The following PLXNA2 variants were observed in gnomAD, a reference collection of about 807,000 sequenced individuals.
PLXNA2 encodes the protein plexin A2, also known as plexin-A2.
Under a neutral mutation model 193.5 loss-of-function variants are expected in PLXNA2, and 91 were observed. The observed-to-expected ratio is 0.47, with a 90% CI of 0.40 to 0.56. PLXNA2 has a LOEUF of 0.56. Among genes scored for constraint, PLXNA2 ranks in the 20% least tolerant of loss-of-function variants. PLXNA2 has a pLI of 0.00. For synonymous variants in PLXNA2, 997 were observed against 1,027.3 expected, an observed-to-expected ratio of 0.97 and a Z score of 0.56; for missense variants, 1,995 against 2,503.2, an observed-to-expected ratio of 0.80 and a Z score of 4.33.
At chr1:208,123,561 A>G (rs1262882819) in intron 4 of PLXNA2, among the ~76,000 whole-genome samples, 1 of 152,172 alleles carries the variant, frequency 6.6e-6, no homozygotes, top group Non-Finnish European at 1.5e-5. Flanking sequence ...GGTTTTTATG[A>G]TTTAGATTTA....
chr1:208,151,754 A>T (rs969780061), intron 3 of PLXNA2, among the ~76,000 whole-genome samples: 1 of 152,236 alleles, frequency 6.6e-6, no homozygotes, highest in African/African-American at 2.4e-5. Flanking sequence ...TTAAGTGTCT[A>T]TTGCAGGATC....
intron 12 of PLXNA2, among the ~76,000 whole-genome samples, chr1:208,066,701 C>G (rs913815038): frequency 3.3e-5 from 5 of 152,078 alleles, no homozygotes; most frequent in Non-Finnish European, 7.4e-5. Flanking sequence ...TCAGGGAGGA[C>G]CTTCAGGAGG....
At chr1:208,132,150 C>T (rs763681532) in intron 4 of PLXNA2, among the ~76,000 whole-genome samples, 1 of 152,170 alleles carries the variant, frequency 6.6e-6, no homozygotes, top group Non-Finnish European at 1.5e-5. Flanking sequence ...CCTGACTGTC[C>T]ATGTAGGGCC....
rs565546349 is a variant in PLXNA2, at chr1:208,220,219, T to C, written c.-80-2217A>G. Among the ~76,000 whole-genome samples, 117 of 152,116 alleles carry C rather than the reference T, an allele frequency of 7.7e-4. 3 individuals carry two copies. The South Asian group carries it at 0.024, about 31-fold the overall frequency. On this transcript the variant is annotated intron_variant, in intron 1 of 31. Transcript: ENST00000367033. ...GCTTGGTATCCTCCCAAGACACAGTTTGAATAGTGAGTGGCTTTTGTTGTT... is the reference window on the plus strand; with the variant it reads ...GCTTGGTATCCTCCCAAGACACAGTCTGAATAGTGAGTGGCTTTTGTTGTT...
intron 9 of PLXNA2, among the ~76,000 whole-genome samples, chr1:208,087,333 G>A (rs1325289671): frequency 6.6e-6 from 1 of 151,282 alleles, no homozygotes; most frequent in Non-Finnish European, 1.5e-5. Flanking sequence ...TTTAGGCTGG[G>A]CTAAGTCCAG....
chr1:208,210,474 C>A lies in PLXNA2; in HGVS notation c.1189-12G>T, dbSNP rs201296044. The A allele has an allele frequency of 6.2e-7, 1 of 1,604,600 alleles. No individual in the cohort carries two copies. The highest frequency in any genetic ancestry group is 1.7e-5 in the Admixed American group (1 of 59,344). On this transcript the variant is annotated splice_polypyrimidine_tract_variant and intron_variant, in intron 2 of 31. Transcript: ENST00000367033. ...TCGATGGGGACAGGCTGGAGGGAAGCGGAAGGAATTGGGGTGAGTAACAGT... is the reference window on the plus strand; with the variant it reads ...TCGATGGGGACAGGCTGGAGGGAAGAGGAAGGAATTGGGGTGAGTAACAGT...
At chr1:208,139,766 C>T (rs866312390) in intron 4 of PLXNA2, among the ~76,000 whole-genome samples, 25 of 152,330 alleles carry the variant, frequency 1.6e-4, no homozygotes, top group Middle Eastern at 6.8e-3. Context: ...TCAACTGCTT[C>T]CTTGGAGACA....
Position 208,044,086 on chromosome 1 carries a change from G to A in PLXNA2, c.3874+422C>T, listed in dbSNP as rs1664970271. Among the ~76,000 whole-genome samples, 1 of 152,204 alleles carries A rather than the reference G, an allele frequency of 6.6e-6. No individual in the cohort carries two copies. The highest frequency in any genetic ancestry group is 2.4e-5 in the African/African-American group (1 of 41,454). On this transcript the variant is annotated intron_variant, in intron 20 of 31. Coordinates refer to ENST00000367033, the MANE Select transcript of PLXNA2 (RefSeq NM_025179.4). This position sits in a 1 kb window ranked among gnomAD's most constrained non-coding sequence, Gnocchi z 4.9. ...AACAAACCCTGGGGGAGATGAGGCA[G>A]GTGCTTGTCTGCCTTTGCTGCCGCT...
intron 1 of PLXNA2, among the ~76,000 whole-genome samples, chr1:208,225,770 T>C (rs970552067): frequency 6.6e-6 from 1 of 152,172 alleles, no homozygotes; most frequent in African/African-American, 2.4e-5. Flanking sequence ...ATCCACATCC[T>C]CATCTGACCA....
intron 31 of PLXNA2, among the ~76,000 whole-genome samples, 197 bp from the exon 32 acceptor site, chr1:208,027,535 A>G (rs922194792): frequency 6.6e-6 from 1 of 152,198 alleles, no homozygotes. Context: ...TGGTGTTTCA[A>G]ACATTCTCTG....
intron 21 of PLXNA2, 95 bp downstream of exon 21, chr1:208,042,966 A>T: frequency 7.7e-7 from 1 of 1,300,156 alleles, no homozygotes; most frequent in Non-Finnish European, 1.1e-6. Context: ...TTCCCTGCTA[A>T]CCTTACTCAG....
At chr1:208,048,216 C>T (rs1287152371) in intron 17 of PLXNA2, among the ~76,000 whole-genome samples, 1 of 152,196 alleles carries the variant, frequency 6.6e-6, no homozygotes, top group Admixed American at 6.5e-5. Context: ...CCAAACATTC[C>T]TCTGGGTTTG....
At chr1:208,127,477 C>T (rs1668008814) in intron 4 of PLXNA2, among the ~76,000 whole-genome samples, 1 of 152,218 alleles carries the variant, frequency 6.6e-6, no homozygotes, top group African/African-American at 2.4e-5. Flanking sequence ...TCCTTGTCAC[C>T]ACTACAATTG....
chr1:208,162,885 C>A (rs1051348068), intron 3 of PLXNA2, among the ~76,000 whole-genome samples: 1 of 152,144 alleles, frequency 6.6e-6, no homozygotes, highest in Non-Finnish European at 1.5e-5. Flanking sequence ...CTGCCTCTAA[C>A]AAAGAAATAC....
At chr1:208,239,154 TA>T (rs35635470) in intron 1 of PLXNA2, among the ~76,000 whole-genome samples, 60,782 of 141,408 alleles carry the variant, frequency 0.43, 12,559 homozygotes, top group Admixed American at 0.46. Flanking sequence ...TTTTTTCTTC[TA>T]AAAAAAAAAA....
At chr1:208,067,024 T>TA (rs1407309810) in intron 12 of PLXNA2, among the ~76,000 whole-genome samples, 1 of 152,182 alleles carries the variant, frequency 6.6e-6, no homozygotes. Context: ...GTCAAAAGGT[T>TA]AAAAAATTAA....
intron 4 of PLXNA2, among the ~76,000 whole-genome samples, chr1:208,104,355 T>C (rs1197933230): frequency 1.3e-5 from 2 of 152,212 alleles, no homozygotes; most frequent in African/African-American, 2.4e-5. Context: ...GGAGCTCTGG[T>C]GCTATGCAAC....
chr1:208,207,456 G>T (rs540943525), intron 3 of PLXNA2, among the ~76,000 whole-genome samples: 1 of 152,174 alleles, frequency 6.6e-6, no homozygotes, highest in African/African-American at 2.4e-5. Flanking sequence ...ACATAAGAGC[G>T]CCCTGTGGTC....
At chr1:208,145,268 C>T (rs1220840960) in intron 3 of PLXNA2, among the ~76,000 whole-genome samples, 1 of 152,120 alleles carries the variant, frequency 6.6e-6, no homozygotes. Flanking sequence ...GTGCTTCTCC[C>T]ACCTTCCCTG....
Sources: gnomAD v4.1 joint callset for allele counts (sites outside exome capture counted in the v4.1 genomes callset) on GRCh38, gnomAD v4.1.1 for gene constraint, Gnocchi (gnomAD v3.1) non-coding constraint, MANE v1.5 for transcripts, NCBI Gene and HGNC (gene_info 2026-07-23, HGNC 2026-07-21) for gene names.